Variants in WSB2 observed in about 807,000 individuals in gnomAD.
WSB2 encodes the protein WD repeat and SOCS box-containing protein 2.
Under a neutral mutation model 48.8 loss-of-function variants are expected in WSB2, and 12 were observed. That is an observed-to-expected ratio of 0.25 (90% CI 0.16 to 0.40). WSB2 has a LOEUF of 0.40. Among genes scored for constraint, WSB2 ranks in the 10% least tolerant of loss-of-function variants. The pLI is 1.00. For synonymous variants in WSB2, 191 were observed against 203.1 expected (o/e 0.94, Z 0.51); for missense variants, 317 against 506.2 (o/e 0.63, Z 3.59).
intron 4 of WSB2, among the ~76,000 whole-genome samples, chr12:118,039,354 A>G (rs562536519): frequency 9.4e-4 from 143 of 152,356 alleles, no homozygotes; most frequent in African/African-American, 3.3e-3. Flanking sequence ...TATCTACCCC[A>G]TTAATGCAGT....
chr12:118,046,155 C>A (rs529384737), intron 2 of WSB2, among the ~76,000 whole-genome samples: 2 of 152,264 alleles, frequency 1.3e-5, no homozygotes, highest in African/African-American at 4.8e-5. Context: ...GCCCACAAAG[C>A]CTAAACTATT....
chr12:118,034,584 T>TCTCTCG, intron 8 of WSB2: 1 of 521,412 alleles, frequency 1.9e-6, no homozygotes, highest in Non-Finnish European at 3.3e-6. Flanking sequence ...GCTCTCTCTG[T>TCTCTCG]CTCTCTCTCG....
intron 2 of WSB2, among the ~76,000 whole-genome samples, chr12:118,047,671 C>A (rs190809868): frequency 2.0e-5 from 3 of 152,088 alleles, no homozygotes; most frequent in Non-Finnish European, 2.9e-5. Flanking sequence ...TATGATCATG[C>A]CACTGTACTC....
rs1368648906 is a variant in WSB2 at position 118,060,124 on chromosome 12, T to A, written c.13+912A>T. ...AAGACCTGGGACTCCCGGAATCAAT[T>A]CTAAATCTATCCCAAGTGGGGTTCC... On this transcript the variant is annotated intron_variant, in intron 1 of 8. Coordinates refer to ENST00000315436, the MANE Select transcript of WSB2 (RefSeq NM_018639.5). This position sits in a 1 kb window ranked among gnomAD's most constrained non-coding sequence, Gnocchi z 4.1. Among the ~76,000 whole-genome samples the A allele has an allele frequency of 6.6e-6, 1 of 152,164 alleles. No individual in the cohort carries two copies. The highest frequency in any genetic ancestry group is 1.5e-5 in the Non-Finnish European group (1 of 68,036).
Position 118,047,396 on chromosome 12 carries a change from G to A in WSB2, c.183-4019C>T, listed in dbSNP as rs2031766340. Among the ~76,000 whole-genome samples, 5 of 152,148 alleles carry A rather than the reference G, an allele frequency of 3.3e-5. No individual in the cohort carries two copies. The South Asian group carries it at 1.0e-3, about 32-fold the overall frequency. On this transcript the variant is annotated intron_variant, in intron 2 of 8. Coordinates refer to ENST00000315436, the MANE Select transcript of WSB2 (RefSeq NM_018639.5). ...AAGACAGATTCATTGGCAGAATTTA[G>A]CTTCACTGAAGTTAAAGTTTCTAAA... is the stretch of plus-strand genomic sequence containing the variant.
chr12:118,044,712 G>T (rs938643586), intron 2 of WSB2, among the ~76,000 whole-genome samples: 2 of 152,096 alleles, frequency 1.3e-5, no homozygotes, highest in Admixed American at 1.3e-4. Context: ...CCACCACTGC[G>T]CCCAGGAAAC....
intron 5 of WSB2, among the ~76,000 whole-genome samples, chr12:118,037,066 C>T (rs2031528152): frequency 6.6e-6 from 1 of 152,074 alleles, no homozygotes; most frequent in African/African-American, 2.4e-5. Flanking sequence ...CCTGTAAGCC[C>T]AGCTATTTGG....
chr12:118,042,102 A>AT (rs1347587112), intron 4 of WSB2, among the ~76,000 whole-genome samples: 1 of 152,178 alleles, frequency 6.6e-6, no homozygotes, highest in Non-Finnish European at 1.5e-5. Flanking sequence ...AATGTATGGA[A>AT]TTCCTTATTG....
intron 2 of WSB2, among the ~76,000 whole-genome samples, chr12:118,044,857 T>C (rs2031713957): frequency 6.6e-6 from 1 of 152,090 alleles, no homozygotes; most frequent in Non-Finnish European, 1.5e-5. Context: ...CTGGCGGAAA[T>C]GGAGATGAGA....
chr12:118,054,820 C>T (rs1327564137), intron 1 of WSB2, among the ~76,000 whole-genome samples: 1 of 150,774 alleles, frequency 6.6e-6, no homozygotes, highest in Non-Finnish European at 1.5e-5. Context: ...GTTAATAAAT[C>T]ATATCAAGCC....
chr12:118,033,654 C>T lies in WSB2; in HGVS notation c.*542G>A, dbSNP rs1205014605. Reference sequence around the variant, plus strand: ...TAAATTAATACCTCATACCAAATGGCTCCAGGAAAACTGTCCTGCAGGTCA... The same window carrying T: ...TAAATTAATACCTCATACCAAATGGTTCCAGGAAAACTGTCCTGCAGGTCA... On this transcript the variant is annotated 3_prime_UTR_variant, in exon 9 of 9. Coordinates refer to ENST00000315436, the MANE Select transcript of WSB2 (RefSeq NM_018639.5). 6.6e-6 allele frequency: 1 copy of T among 152,140 alleles called. No homozygotes were observed. The highest frequency in any genetic ancestry group is 3.2e-3 in the Middle Eastern group (1 of 314). 9.4% of individuals were successfully genotyped at this position (152,140 alleles called of 1,614,324 possible).
chr12:118,054,677 C>CAAA (rs1362353417), intron 1 of WSB2, among the ~76,000 whole-genome samples: 4 of 131,836 alleles, frequency 3.0e-5, no homozygotes, highest in East Asian at 6.2e-4. Context: ...AACTCTGTCT[C>CAAA]AAAAAATAAT....
At chr12:118,043,579 G>A (rs1356939880) in intron 2 of WSB2, among the ~76,000 whole-genome samples, 1 of 152,130 alleles carries the variant, frequency 6.6e-6, no homozygotes, top group African/African-American at 2.4e-5. Flanking sequence ...CAAGTAGCTA[G>A]GACGACAGGC....
At chr12:118,045,966 A>C (rs2031737247) in intron 2 of WSB2, among the ~76,000 whole-genome samples, 1 of 152,132 alleles carries the variant, frequency 6.6e-6, no homozygotes, top group African/African-American at 2.4e-5. Context: ...CTCTGTGCCT[A>C]GTGCATTTCA....
chr12:118,036,451 G>A lies in WSB2; in HGVS notation c.720C>T (p.Ser240=), dbSNP rs1305286674. 6 of 1,614,198 alleles carry A rather than the reference G, an allele frequency of 3.7e-6. No individual in the cohort carries two copies. Among genetic ancestry groups the A allele is most frequent in the Non-Finnish European group, 5.1e-6 (6 of 1,180,016 alleles). ...TLIRKLEGHQ[S]SVVSCDFSPD... ...GGGAGAAGTCACAAGAGACAACACT[G>A]CTTTGATGGCCCTCTAGCTTCCGAA... The change falls in exon 6 of 9, where the codon AGC becomes AGT. Residue 240 remains serine (S), a synonymous_variant. Transcript: ENST00000315436.
chr12:118,049,191 T>C (rs1424939437), intron 2 of WSB2, among the ~76,000 whole-genome samples: 1 of 152,202 alleles, frequency 6.6e-6, no homozygotes, highest in Non-Finnish European at 1.5e-5. Flanking sequence ...TGTATGACCT[T>C]GGCATTATCA....
intron 1 of WSB2, among the ~76,000 whole-genome samples, chr12:118,057,831 T>C (rs2137801207): frequency 6.6e-6 from 1 of 151,148 alleles, no homozygotes; most frequent in East Asian, 2.0e-4. Flanking sequence ...CACAGCTCAC[T>C]GCAGCCTCAA....
chr12:118,044,200 C>T (rs750969531), intron 2 of WSB2, among the ~76,000 whole-genome samples: 1 of 152,214 alleles, frequency 6.6e-6, no homozygotes, highest in African/African-American at 2.4e-5. Context: ...AATGGGGTGA[C>T]CTGCCTTGTG....
chr12:118,040,654 C>CAAA (rs781738117), intron 4 of WSB2, among the ~76,000 whole-genome samples: 1 of 120,044 alleles, frequency 8.3e-6, no homozygotes. Context: ...GGCTCTGTCT[C>CAAA]AAAAAAAAAA....
Sources: gnomAD v4.1 joint callset for allele counts (sites outside exome capture counted in the v4.1 genomes callset) on GRCh38, gnomAD v4.1.1 for gene constraint, Gnocchi (gnomAD v3.1) non-coding constraint, MANE v1.5 for transcripts, NCBI Gene and HGNC (gene_info 2026-07-23, HGNC 2026-07-21) for gene names.